The following CLIC2 variants were observed in gnomAD, a reference collection of about 807,000 sequenced individuals.
CLIC2 encodes the protein CLIC family member 2.
A neutral mutation model predicts 14.8 loss-of-function variants in CLIC2; 9 were observed. The observed-to-expected ratio is 0.61, with a 90% CI of 0.37 to 1.06. The LOEUF (loss-of-function observed/expected upper bound fraction) is 1.06, where lower values mean the gene tolerates loss of function less well. Among genes scored for constraint, CLIC2 ranks in the 50% least tolerant of loss-of-function variants. The pLI, the probability that CLIC2 is intolerant of heterozygous loss-of-function variation, is 0.01. For synonymous variants in CLIC2, 61 were observed against 66.3 expected, an observed-to-expected ratio of 0.92 and a Z score of 0.39; for missense variants, 148 against 181.4, an observed-to-expected ratio of 0.82 and a Z score of 1.06.
intron 4 of CLIC2, 111 bp downstream of exon 4, chrX:155,279,851 A>G (rs900685217): frequency 1.3e-5 from 7 of 519,785 alleles, no homozygotes; most frequent in Non-Finnish European, 2.4e-5. Context: ...GAATGAGGGG[A>G]AGACTAGGCC....
intron 1 of CLIC2, among the ~76,000 whole-genome samples, chrX:155,332,748 G>C (rs1557322937): frequency 8.9e-6 from 1 of 112,167 alleles, no homozygotes; most frequent in Admixed American, 9.5e-5. Flanking sequence ...TCATCCATGT[G>C]TGACTTGCTA....
chrX:155,284,254 A>AT (rs781838836), intron 3 of CLIC2, among the ~76,000 whole-genome samples: 6,953 of 92,550 alleles, frequency 0.075, 687 homozygotes, highest in African/African-American at 0.25. Context: ...TCTCCCTGGG[A>AT]TTTTTTTTTT....
At chrX:155,283,809 G>A (rs1424753594) in intron 3 of CLIC2, among the ~76,000 whole-genome samples, 1 of 111,104 alleles carries the variant, frequency 9.0e-6, no homozygotes, top group Non-Finnish European at 1.9e-5. Flanking sequence ...GCTTATTGTG[G>A]TTGTTGTTGG....
intron 4 of CLIC2, among the ~76,000 whole-genome samples, 175 bp from the exon 5 acceptor site, chrX:155,279,505 AAGAT>A (rs1557316189): frequency 8.9e-6 from 1 of 112,370 alleles, no homozygotes. Context: ...AAGACAAAGT[AAGAT>A]GAAATAGTGA....
rs893381328 is a variant in CLIC2, at chrX:155,299,574, T to C, written c.58-429A>G. ...TTGATAGATCTTACCAAATTTCCTT[T>C]CTTTTTTTTTTATTATTATACTTTA... is the stretch of plus-strand genomic sequence containing the variant. On this transcript the variant is annotated intron_variant, in intron 1 of 5. Transcript: ENST00000369449. 6.3e-4 allele frequency among the ~76,000 whole-genome samples: 70 copies of C among 110,654 alleles called. No individual in the cohort carries two copies. In the Admixed American group the frequency reaches 6.7e-3, roughly 11 times the overall value.
intron 1 of CLIC2, among the ~76,000 whole-genome samples, chrX:155,328,850 A>G (rs1477602435): frequency 4.5e-5 from 5 of 110,862 alleles, no homozygotes; most frequent in African/African-American, 1.6e-4. Context: ...TTTTCAGGAA[A>G]GGTGCCAAGA....
chrX:155,290,757 T>A (rs782565088), intron 3 of CLIC2: 4 of 648,782 alleles, frequency 6.2e-6, no homozygotes, highest in Non-Finnish European at 7.8e-6. Flanking sequence ...TATAATTTCA[T>A]TTTTTATGTT....
At chrX:155,290,245 A>G (rs2074959149) in intron 3 of CLIC2, 1 of 171,769 alleles carries the variant, frequency 5.8e-6, no homozygotes, top group Non-Finnish European at 1.1e-5. Context: ...CTATTTTCCA[A>G]AAAGTACAAT....
intron 1 of CLIC2, among the ~76,000 whole-genome samples, chrX:155,311,347 A>G (rs1156399233): frequency 9.0e-6 from 1 of 111,483 alleles, no homozygotes; most frequent in Non-Finnish European, 1.9e-5. Flanking sequence ...TCAAGTTCAA[A>G]CTTCCACAAA....
chrX:155,284,098 C>T (rs2074931028), intron 3 of CLIC2, among the ~76,000 whole-genome samples: 1 of 111,033 alleles, frequency 9.0e-6, no homozygotes, highest in Non-Finnish European at 1.9e-5. Flanking sequence ...GAAATTTAGC[C>T]AGAATTGAGA....
chrX:155,310,134 G>C (rs1557320393), intron 1 of CLIC2: 1 of 114,363 alleles, frequency 8.7e-6, no homozygotes, highest in Non-Finnish European at 1.8e-5. Context: ...TGCAAGTCTG[G>C]AATCCAGCAG....
chrX:155,280,032 A>G lies in CLIC2; in HGVS notation c.330T>C (p.Phe110=). The change falls in exon 4 of 6, where the codon TTT becomes TTC. Residue 110 remains phenylalanine, a synonymous_variant. Coordinates refer to ENST00000369449, the MANE Select transcript of CLIC2 (RefSeq NM_001289.6). ...TGGCAAAGAGGTTACAGCCCACATCAAAAGACTCCTTGTACTTGGGACTCA... is the reference window on the plus strand; with the variant it reads ...TGGCAAAGAGGTTACAGCCCACATCGAAAGACTCCTTGTACTTGGGACTCA... The part of the protein sequence containing the change: ...PHLSPKYKES[F]DVGCNLFAKF... 8.3e-7 allele frequency: 1 copy of G among 1,208,392 alleles called. No individual in the cohort carries two copies. Among genetic ancestry groups the G allele is most frequent in the East Asian group, 3.0e-5 (1 of 33,827 alleles).
At chrX:155,330,523 A>T in intron 1 of CLIC2, among the ~76,000 whole-genome samples, 1 of 111,577 alleles carries the variant, frequency 9.0e-6, no homozygotes, top group Non-Finnish European at 1.9e-5. Context: ...AATGAAAAAG[A>T]ATGACCATAC....
At position 155,319,809 on chromosome X, in the gene CLIC2, G is replaced by C. The variant is rs1382449978; in HGVS notation, c.57+14562C>G. Among the ~76,000 whole-genome samples the C allele has an allele frequency of 5.4e-5, 6 of 112,139 alleles. No individual in the cohort carries two copies. The Admixed American group carries it at 5.7e-4, about 11-fold the overall frequency. The stretch of plus-strand genomic sequence containing the variant: ...GAGCCCAGCAAGCTAAGATCCACTG[G>C]CTTGAAATTCTCACTGCCAGCACAG... On this transcript the variant is annotated intron_variant, in intron 1 of 5. Transcript: ENST00000369449.
chrX:155,297,953 C>G (rs1323472158), intron 3 of CLIC2, among the ~76,000 whole-genome samples: 4 of 105,871 alleles, frequency 3.8e-5, no homozygotes, highest in East Asian at 3.0e-4. Context: ...AGCCATGTTG[C>G]GAAATGCCTA....
At chrX:155,324,180 G>A (rs1273076934) in intron 1 of CLIC2, among the ~76,000 whole-genome samples, 1 of 112,192 alleles carries the variant, frequency 8.9e-6, no homozygotes, top group Non-Finnish European at 1.9e-5. Flanking sequence ...TAACAAACCT[G>A]CACGTTGTGC....
intron 1 of CLIC2, among the ~76,000 whole-genome samples, chrX:155,332,032 A>G (rs1164510200): frequency 8.9e-6 from 1 of 111,755 alleles, no homozygotes; most frequent in Non-Finnish European, 1.9e-5. Flanking sequence ...ACAGAATGCA[A>G]ACATTCCATT....
chrX:155,309,625 T>G, intron 1 of CLIC2: 1 of 261,303 alleles, frequency 3.8e-6, no homozygotes, highest in Non-Finnish European at 7.2e-6. Context: ...GAAAGGCACA[T>G]CTCACATGGC....
At chrX:155,282,027 C>T (rs1557316553) in intron 3 of CLIC2, among the ~76,000 whole-genome samples, 1 of 111,292 alleles carries the variant, frequency 9.0e-6, no homozygotes, top group African/African-American at 3.3e-5. Flanking sequence ...TAAGGATCCA[C>T]ATGATGTGAT....
Sources: allele counts gnomAD v4.1 joint callset (sites outside exome capture counted in the v4.1 genomes callset), GRCh38; gene constraint gnomAD v4.1.1; transcripts MANE v1.5; gene names NCBI Gene and HGNC (gene_info 2026-07-23, HGNC 2026-07-21).